The following ST8SIA6 variants were observed in gnomAD, a reference collection of about 807,000 sequenced individuals.
ST8SIA6 encodes alpha-2,8-sialyltransferase 8F.
In ST8SIA6, 39 loss-of-function variants were observed where a neutral mutation model predicts 33.6. The observed-to-expected ratio is 1.16, with a 90% CI of 0.90 to 1.52. The LOEUF (loss-of-function observed/expected upper bound fraction) is 1.52, where lower values mean the gene tolerates loss of function less well. ST8SIA6 is among the 40% of genes most tolerant of loss of function. The pLI is 0.00. For missense variants in ST8SIA6, 441 were observed against 443.8 expected (o/e 0.99, Z 0.06); for synonymous variants, 172 against 167.2 (o/e 1.03, Z -0.22).
rs768241010 is a variant in ST8SIA6 at position 17,361,489 on chromosome 10, G to C, written c.291-1889C>G. The stretch of plus-strand genomic sequence containing the variant: ...TAGTCCTATAGCCATTAATAATATT[G>C]ATTTTGTAATTAAAATTCTTCCTAC... On this transcript the variant is annotated intron_variant, in intron 3 of 7. Coordinates refer to ENST00000377602, the MANE Select transcript of ST8SIA6 (RefSeq NM_001004470.3). Among the ~76,000 whole-genome samples, 167 of 148,224 alleles carry C rather than the reference G, an allele frequency of 1.1e-3. 1 individual carries two copies. Among genetic ancestry groups the C allele is most frequent in the Non-Finnish European group, 9.1e-4 (61 of 67,372 alleles).
At chr10:17,447,546 G>A (rs983844055) in intron 2 of ST8SIA6, among the ~76,000 whole-genome samples, 1 of 151,284 alleles carries the variant, frequency 6.6e-6, no homozygotes, top group East Asian at 1.9e-4. Flanking sequence ...TTAGACTTAT[G>A]CAAATAAATA....
chr10:17,326,728 G>A (rs552483118), intron 6 of ST8SIA6, among the ~76,000 whole-genome samples: 2 of 152,168 alleles, frequency 1.3e-5, no homozygotes, highest in South Asian at 2.1e-4. Context: ...AGCCATTAAC[G>A]TACTGAACGC....
chr10:17,397,959 C>T lies in ST8SIA6; in HGVS notation c.201-7339G>A, dbSNP rs1045224490. On this transcript the variant is annotated intron_variant, in intron 2 of 7. Coordinates refer to ENST00000377602, the MANE Select transcript of ST8SIA6 (RefSeq NM_001004470.3). ...TCTTGAATTGAAAGTGATCACTTTA[C>T]AAGCCCCACTGACAAGATTCCACAG... 5.3e-4 allele frequency among the ~76,000 whole-genome samples: 80 copies of T among 152,330 alleles called. 1 individual carries two copies. Among genetic ancestry groups the T allele is most frequent in the African/African-American group, 1.9e-3 (79 of 41,574 alleles).
intron 2 of ST8SIA6, among the ~76,000 whole-genome samples, chr10:17,442,599 T>C (rs1166319024): frequency 2.6e-5 from 4 of 152,224 alleles, no homozygotes; most frequent in African/African-American, 4.8e-5. Context: ...TGAAGAGATA[T>C]GTGATCATTA....
intron 2 of ST8SIA6, among the ~76,000 whole-genome samples, chr10:17,415,638 A>G (rs1377932367): frequency 6.6e-6 from 1 of 151,992 alleles, no homozygotes; most frequent in African/African-American, 2.4e-5. Context: ...CATACACATA[A>G]TATATGTGTT....
chr10:17,334,554 T>A (rs757934758), intron 4 of ST8SIA6, among the ~76,000 whole-genome samples: 10 of 140,380 alleles, frequency 7.1e-5, no homozygotes, highest in African/African-American at 2.5e-4. Context: ...AAAAAAAAAT[T>A]ATTATTATTA....
rs1309581352 is a variant in ST8SIA6 at position 17,363,183 on chromosome 10, GTA to G, written c.291-3585_291-3584del. Among the ~76,000 whole-genome samples the G allele has an allele frequency of 3.9e-5, 6 of 152,176 alleles. No homozygotes were observed. In the East Asian group the frequency reaches 1.2e-3, roughly 29 times the overall value. ...ATTTAAAGCCCAGCCCTCCTTCAAT[GTA>G]TCTATCGCTTGAGAATTCTCACGTT... On this transcript the variant is annotated intron_variant, in intron 3 of 7. Transcript: ENST00000377602.
At chr10:17,391,267 A>G (rs1850597242) in intron 2 of ST8SIA6, among the ~76,000 whole-genome samples, 1 of 150,412 alleles carries the variant, frequency 6.6e-6, no homozygotes, top group African/African-American at 2.4e-5. Flanking sequence ...TTATTTATTT[A>G]TTTATTTATT....
At chr10:17,366,000 A>G (rs1849547503) in intron 3 of ST8SIA6, among the ~76,000 whole-genome samples, 1 of 152,186 alleles carries the variant, frequency 6.6e-6, no homozygotes, top group Admixed American at 6.5e-5. Flanking sequence ...GCTTGAAAAA[A>G]TTCTGCAAAC....
chr10:17,332,392 T>C (rs433056), intron 4 of ST8SIA6, among the ~76,000 whole-genome samples: 30,303 of 152,196 alleles, frequency 0.2, 3,521 homozygotes, highest in East Asian at 0.42. Context: ...ATGGTTGAAC[T>C]AATTTACACT....
intron 2 of ST8SIA6, chr10:17,409,972 A>G (rs1434393847): frequency 6.6e-6 from 1 of 152,268 alleles, no homozygotes; most frequent in Non-Finnish European, 1.5e-5. Flanking sequence ...TCTGGGAGTC[A>G]ATATGGAAAA....
chr10:17,360,642 C>A (rs1474333848), intron 3 of ST8SIA6, among the ~76,000 whole-genome samples: 1 of 151,654 alleles, frequency 6.6e-6, no homozygotes, highest in Non-Finnish European at 1.5e-5. Context: ...ACAACTGACA[C>A]CAATAAGAAA....
chr10:17,417,451 C>T (rs552500237), intron 2 of ST8SIA6, among the ~76,000 whole-genome samples: 1 of 152,262 alleles, frequency 6.6e-6, no homozygotes, highest in South Asian at 2.1e-4. Context: ...CAGGTCTTAA[C>T]TCGAATGTCA....
chr10:17,347,953 C>CAAAAAAAAAAAAAAAAAAAAAAAAAA (rs55996465), intron 4 of ST8SIA6, among the ~76,000 whole-genome samples: 7 of 68,632 alleles, frequency 1.0e-4, no homozygotes, highest in East Asian at 8.2e-4. Context: ...GACTCTGTCT[C>CAAAAAAAAAAAAAAAAAAAAAAAAAA]AAAAAAAAAA....
At chr10:17,442,800 A>G (rs945215957) in intron 2 of ST8SIA6, among the ~76,000 whole-genome samples, 8 of 152,238 alleles carry the variant, frequency 5.3e-5, no homozygotes, top group African/African-American at 1.9e-4. Flanking sequence ...ATGCTTACAC[A>G]TAAGCACACA....
chr10:17,341,371 C>T (rs530489771), intron 4 of ST8SIA6, among the ~76,000 whole-genome samples: 8 of 152,128 alleles, frequency 5.3e-5, no homozygotes, highest in Non-Finnish European at 1.0e-4. Context: ...AGAGCAGATT[C>T]GGAGGATTCA....
intron 2 of ST8SIA6, among the ~76,000 whole-genome samples, chr10:17,418,993 C>CAAAAAAAAAAA (rs910044275): frequency 2.0e-4 from 11 of 56,142 alleles, no homozygotes; most frequent in Non-Finnish European, 2.4e-4. Context: ...GGCTCCATCT[C>CAAAAAAAAAAA]AAAAAAAAAA....
At chr10:17,349,637 T>C (rs1009096448) in intron 4 of ST8SIA6, among the ~76,000 whole-genome samples, 4 of 152,204 alleles carry the variant, frequency 2.6e-5, no homozygotes, top group African/African-American at 9.6e-5. Flanking sequence ...ATGCTGCCTT[T>C]AAGATGTTCT....
intron 4 of ST8SIA6, among the ~76,000 whole-genome samples, chr10:17,332,356 G>C (rs553495367): frequency 1.3e-5 from 2 of 152,258 alleles, no homozygotes; most frequent in African/African-American, 4.8e-5. Context: ...CTAGATCCTT[G>C]AGGAATAATC....
Sources: gnomAD v4.1 joint callset for allele counts (sites outside exome capture counted in the v4.1 genomes callset) on GRCh38, gnomAD v4.1.1 for gene constraint, MANE v1.5 for transcripts, NCBI Gene and HGNC (gene_info 2026-07-23, HGNC 2026-07-21) for gene names.